FOXP2: variants seen among roughly 807,000 people sequenced by gnomAD.
FOXP2 encodes the protein forkhead box P2.
A neutral mutation model predicts 115.8 loss-of-function variants in FOXP2; 12 were observed. The ratio of observed to expected loss-of-function variants is 0.10; its 90% CI spans 0.07 to 0.17. The LOEUF (loss-of-function observed/expected upper bound fraction) is 0.17. Ranked by LOEUF, FOXP2 falls within the 10% of genes least tolerant of loss-of-function variation. The pLI is 1.00. For missense variants in FOXP2, 629 were observed against 843.5 expected, an observed-to-expected ratio of 0.75 and a Z score of 3.15; for synonymous variants, 328 against 297.7, an observed-to-expected ratio of 1.10 and a Z score of -1.05.
intron 2 of FOXP2, among the ~76,000 whole-genome samples, chr7:114,509,814 T>G (rs1253458960): frequency 6.6e-6 from 1 of 151,808 alleles, no homozygotes; most frequent in Non-Finnish European, 1.5e-5. Flanking sequence ...TAAAAATCTA[T>G]GAGTTGTCAG....
intron 1 of FOXP2, among the ~76,000 whole-genome samples, chr7:114,174,625 T>A (rs780432413): frequency 1.3e-5 from 2 of 152,048 alleles, no homozygotes; most frequent in Admixed American, 6.6e-5. Context: ...TATGGGAATA[T>A]AAGAAACAAG....
At chr7:114,526,300 A>T (rs1223599517) in intron 2 of FOXP2, among the ~76,000 whole-genome samples, 4 of 151,304 alleles carry the variant, frequency 2.6e-5, no homozygotes, top group African/African-American at 9.7e-5. Flanking sequence ...AACGTGGCGA[A>T]ACTATGTCTC....
At chr7:114,678,963 C>T (rs1481144954) in intron 16 of FOXP2, among the ~76,000 whole-genome samples, 1 of 152,138 alleles carries the variant, frequency 6.6e-6, no homozygotes, top group Non-Finnish European at 1.5e-5. Context: ...GCTCTTCTAT[C>T]TCCTTGGTAG....
intron 2 of FOXP2, among the ~76,000 whole-genome samples, chr7:114,507,003 A>T (rs1797854227): frequency 6.6e-6 from 1 of 151,894 alleles, no homozygotes; most frequent in Non-Finnish European, 1.5e-5. Flanking sequence ...GTTAAGGATA[A>T]AATATAAAAT....
chr7:114,512,161 C>T (rs1798109868), intron 2 of FOXP2, among the ~76,000 whole-genome samples: 1 of 152,106 alleles, frequency 6.6e-6, no homozygotes, highest in Admixed American at 6.5e-5. Flanking sequence ...TTGCAACAGC[C>T]TTTTCCAATT....
At chr7:114,252,297 C>T (rs910851624) in intron 1 of FOXP2, among the ~76,000 whole-genome samples, 2 of 152,154 alleles carry the variant, frequency 1.3e-5, no homozygotes, top group Non-Finnish European at 2.9e-5. Context: ...CAGGATGATG[C>T]TTGCCTCATA....
intron 13 of FOXP2, 67 bp downstream of exon 13, chr7:114,659,740 T>C: frequency 8.1e-7 from 1 of 1,237,956 alleles, no homozygotes; most frequent in South Asian, 1.2e-5. Context: ...AAGGAACATT[T>C]ATTTACATGA....
chr7:114,625,568 A>G (rs1359287720), intron 3 of FOXP2, among the ~76,000 whole-genome samples: 1 of 151,780 alleles, frequency 6.6e-6, no homozygotes, highest in Non-Finnish European at 1.5e-5. Context: ...ATTCATTTTT[A>G]TCAATGAATA....
At chr7:114,350,196 G>A (rs540477845) in intron 2 of FOXP2, among the ~76,000 whole-genome samples, 2 of 152,166 alleles carry the variant, frequency 1.3e-5, no homozygotes, top group South Asian at 4.2e-4. Flanking sequence ...TTGTTACACA[G>A]GTATACATGT....
At chr7:114,657,953 C>A in intron 10 of FOXP2, 113 bp from the exon 11 acceptor site, 2 of 1,117,718 alleles carry the variant, frequency 1.8e-6, no homozygotes, top group Non-Finnish European at 2.7e-6. Flanking sequence ...CCTTTTGCAG[C>A]TTATTAGTGG....
At chr7:114,594,586 T>C (rs948171966) in intron 3 of FOXP2, among the ~76,000 whole-genome samples, 1 of 151,944 alleles carries the variant, frequency 6.6e-6, no homozygotes, top group Admixed American at 6.6e-5. Flanking sequence ...AACAAAAAAA[T>C]AGTATGTGAG....
chr7:114,487,060 C>T (rs1269702224), intron 2 of FOXP2, among the ~76,000 whole-genome samples: 1 of 152,152 alleles, frequency 6.6e-6, no homozygotes, highest in Non-Finnish European at 1.5e-5. Context: ...GGGCTCCCAC[C>T]CCACCTTTGC....
intron 3 of FOXP2, among the ~76,000 whole-genome samples, chr7:114,612,562 G>A (rs1402162428): frequency 6.6e-6 from 1 of 152,036 alleles, no homozygotes; most frequent in Non-Finnish European, 1.5e-5. Context: ...AATGTTGAAG[G>A]TACAGTCCTA....
At position 114,237,911 on chromosome 7, in the gene FOXP2, G is replaced by A. The variant is rs555469346; in HGVS notation, c.-101-50108G>A. 2.0e-5 allele frequency among the ~76,000 whole-genome samples: 3 copies of A among 152,156 alleles called. No individual in the cohort carries two copies. The South Asian group carries it at 6.2e-4, about 32-fold the overall frequency. ...AATTGCTTGAACCCAGGAGGCAGAG[G>A]TTATAGTGAACAAAGATGCTGTCAC... On this transcript the variant is annotated intron_variant, in intron 1 of 17. Transcript: ENST00000634411.
rs151048655 is a variant in FOXP2, at chr7:114,551,413, G to A, written c.258+16707G>A. Among the ~76,000 whole-genome samples, 727 of 152,164 alleles carry A rather than the reference G, an allele frequency of 4.8e-3. 24 individuals carry two copies. The highest frequency in any genetic ancestry group is 1.5e-3 in the East Asian group (8 of 5,178). ...GTTTGAGGTTAAAAAAAAACTGCTT[G>A]ACAGTTATGGCTTTTTAGAGTGTTC... On this transcript the variant is annotated intron_variant, in intron 3 of 16. Transcript: ENST00000350908.
In FOXP2 at chr7:114,692,128, C is replaced by G. The variant is rs1413906988; in HGVS notation, c.*2202C>G. 2.4e-5 allele frequency: 11 copies of G among 453,762 alleles called. No individual in the cohort carries two copies. Among genetic ancestry groups the G allele is most frequent in the Non-Finnish European group, 3.5e-5 (8 of 226,684 alleles). The allele number at this position is 453,762 out of a possible 1,614,324, so 28.1% of individuals were successfully genotyped here. On this transcript the variant is annotated 3_prime_UTR_variant, in exon 17 of 17. Transcript: ENST00000350908. ...AGATGGTTTTCAGTCATCTAGGATC[C>G]TACTGTAAGGATTATCTGAAAGGAA...
At chr7:114,535,878 G>A (rs1305411958) in intron 3 of FOXP2, among the ~76,000 whole-genome samples, 1 of 151,446 alleles carries the variant, frequency 6.6e-6, no homozygotes, top group African/African-American at 2.4e-5. Flanking sequence ...ATCACCCTGA[G>A]TTTAAGATTC....
chr7:114,350,270 T>C (rs1791450638), intron 2 of FOXP2, among the ~76,000 whole-genome samples: 2 of 152,164 alleles, frequency 1.3e-5, no homozygotes, highest in South Asian at 4.1e-4. Flanking sequence ...ATGCATTAGG[T>C]ATTTGTCCTA....
chr7:114,585,700 A>G (rs1802099731), intron 3 of FOXP2, among the ~76,000 whole-genome samples: 1 of 152,040 alleles, frequency 6.6e-6, no homozygotes, highest in Non-Finnish European at 1.5e-5. Context: ...CCCCGTCTCT[A>G]CCAAAAATAC....
Sources: gnomAD v4.1 joint callset for allele counts (sites outside exome capture counted in the v4.1 genomes callset) on GRCh38, gnomAD v4.1.1 for gene constraint, MANE v1.5 for transcripts, NCBI Gene and HGNC (gene_info 2026-07-23, HGNC 2026-07-21) for gene names.